MID1: variants seen among roughly 807,000 people sequenced by gnomAD.
The protein encoded by MID1 is E3 ubiquitin-protein ligase Midline-1.
A neutral mutation model predicts 40.4 loss-of-function variants in MID1; 7 were observed. That is an observed-to-expected ratio of 0.17 (90% CI 0.10 to 0.33). MID1 has a LOEUF of 0.33. Among genes scored for constraint, MID1 ranks in the 10% least tolerant of loss-of-function variants. The probability of loss-of-function intolerance (pLI) is 1.00; values close to 1 mark genes in which losing one functional copy is unlikely to be tolerated. For synonymous variants in MID1, 229 were observed against 221.2 expected (o/e 1.04, Z -0.31); for missense variants, 367 against 558.5 (o/e 0.66, Z 3.46).
At chrX:10,580,947 A>C (rs1009628487) in intron 1 of MID1, among the ~76,000 whole-genome samples, 3 of 106,210 alleles carry the variant, frequency 2.8e-5, no homozygotes, top group Admixed American at 2.0e-4. Flanking sequence ...AAAAAAAAAA[A>C]AAAAAAAAAA....
intron 1 of MID1, among the ~76,000 whole-genome samples, chrX:10,726,815 T>C (rs901180968): frequency 5.3e-5 from 6 of 112,574 alleles, no homozygotes; most frequent in African/African-American, 1.9e-4. Context: ...CAAACTGTGG[T>C]TAGTGTGGGC....
chrX:10,488,614 C>T lies in MID1; in HGVS notation c.865-5986G>A, dbSNP rs147713482. Among the ~76,000 whole-genome samples the T allele has an allele frequency of 6.1e-3, 686 of 111,615 alleles. 3 individuals are homozygous for T. Among genetic ancestry groups the T allele is most frequent in the Middle Eastern group, 0.023 (5 of 218 alleles). On this transcript the variant is annotated intron_variant, in intron 4 of 9. Transcript: ENST00000317552. ...CATCTGTGATGGTTAATACTGAGTG[C>T]CAACTTGATTGGATTGAAGGATGCA...
intron 2 of MID1, among the ~76,000 whole-genome samples, chrX:10,561,930 T>C (rs986079428): frequency 2.8e-5 from 3 of 107,339 alleles, no homozygotes; most frequent in Non-Finnish European, 5.7e-5. Context: ...CATATGTTTA[T>C]TGCAGTACTA....
intron 1 of MID1, among the ~76,000 whole-genome samples, chrX:10,579,104 T>C (rs1934944154): frequency 1.8e-5 from 2 of 112,009 alleles, no homozygotes; most frequent in Non-Finnish European, 3.8e-5. Context: ...TAGCATCCCT[T>C]CTGCATTACA....
At chrX:10,659,662 AG>A (rs2042898251) in intron 1 of MID1, among the ~76,000 whole-genome samples, 1 of 111,147 alleles carries the variant, frequency 9.0e-6, no homozygotes, top group Non-Finnish European at 1.9e-5. Context: ...ACTTGTAGAA[AG>A]CGCTATTGCT....
intron 1 of MID1, among the ~76,000 whole-genome samples, chrX:10,724,737 C>T (rs916820945): frequency 8.9e-6 from 1 of 112,095 alleles, no homozygotes; most frequent in Non-Finnish European, 1.9e-5. Context: ...TCTGGCCCAC[C>T]TTGTGGTTTT....
At chrX:10,558,317 T>C (rs367565847) in intron 2 of MID1, among the ~76,000 whole-genome samples, 4 of 107,157 alleles carry the variant, frequency 3.7e-5, no homozygotes, top group East Asian at 5.6e-4. Flanking sequence ...TCTTCTTTGA[T>C]GCATAATCCA....
intron 1 of MID1, among the ~76,000 whole-genome samples, chrX:10,777,956 G>A (rs992931220): frequency 1.8e-5 from 2 of 111,452 alleles, no homozygotes; most frequent in African/African-American, 6.5e-5. Flanking sequence ...AATAACATGC[G>A]TGGTGCTGTC....
At chrX:10,668,064 T>A (rs1305310746) in intron 1 of MID1, among the ~76,000 whole-genome samples, 2 of 111,859 alleles carry the variant, frequency 1.8e-5, no homozygotes, top group East Asian at 2.8e-4. Flanking sequence ...TGAATACGCA[T>A]CTTGGGACAG....
At chrX:10,571,785 G>C (rs1325094259) in intron 1 of MID1, among the ~76,000 whole-genome samples, 2 of 110,197 alleles carry the variant, frequency 1.8e-5, no homozygotes, top group African/African-American at 6.6e-5. Context: ...GCCAGGAGTG[G>C]TGGCACATGC....
chrX:10,766,101 C>T (rs780038618), intron 1 of MID1, among the ~76,000 whole-genome samples: 1 of 111,396 alleles, frequency 9.0e-6, no homozygotes, highest in Middle Eastern at 4.6e-3. Flanking sequence ...CAAGGGGAGA[C>T]AGGCAGGGTG....
At chrX:10,722,094 T>C (rs1039115153) in intron 1 of MID1, among the ~76,000 whole-genome samples, 6 of 108,417 alleles carry the variant, frequency 5.5e-5, no homozygotes, top group African/African-American at 2.1e-4. Flanking sequence ...AAGTATAATT[T>C]TAAAAGCAAG....
At chrX:10,709,932 T>C (rs2043255159) in intron 1 of MID1, among the ~76,000 whole-genome samples, 1 of 111,580 alleles carries the variant, frequency 9.0e-6, no homozygotes, top group Non-Finnish European at 1.9e-5. Flanking sequence ...GTGTGTAGGA[T>C]GTGGGGAGAG....
At chrX:10,529,265 G>A (rs1230853387) in intron 2 of MID1, among the ~76,000 whole-genome samples, 3 of 111,907 alleles carry the variant, frequency 2.7e-5, no homozygotes, top group African/African-American at 9.8e-5. Context: ...TTAAAAGCAT[G>A]CCCACACATT....
chrX:10,695,821 G>A (rs1293737215), intron 1 of MID1, among the ~76,000 whole-genome samples: 1 of 112,077 alleles, frequency 8.9e-6, no homozygotes, highest in Non-Finnish European at 1.9e-5. Context: ...CATTTGAAAT[G>A]CAGTGAGTCT....
intron 5 of MID1, chrX:10,475,079 C>T (rs776354894): frequency 1.5e-4 from 52 of 345,278 alleles, no homozygotes; most frequent in African/African-American, 1.3e-3. Flanking sequence ...CACGTCTAAC[C>T]CCAGCAAGAA....
In MID1 at chrX:10,567,472, C is replaced by A. The variant is rs1934601297; in HGVS notation, c.76G>T (p.Ala26Ser). ...GCGCAGTTGAAGCAGAGGCTGTGTG[C>A]GCAGGGCAGTAGAAGAGGGTCCTCA... ...LFEDPLLLPC[A>S]HSLCFNCAHR... Residue 26 changes from alanine to serine, a missense_variant, in exon 2 of 10, where the codon GCA (alanine) becomes TCA (serine). This residue lies in a region of MID1 where 78 missense variants were observed against 112.6 expected (regional missense o/e 0.69). Transcript: ENST00000317552. The A allele has an allele frequency of 8.3e-7, 1 of 1,209,454 alleles. No homozygotes were observed. The highest frequency in any genetic ancestry group is 2.2e-5 in the Admixed American group (1 of 45,784).
chrX:10,833,298 G>T (rs1039699099), intron 1 of MID1, among the ~76,000 whole-genome samples: 2 of 111,984 alleles, frequency 1.8e-5, no homozygotes, highest in African/African-American at 6.5e-5. Flanking sequence ...TGCTCATCAC[G>T]ACAGTATAGA....
intron 2 of MID1, among the ~76,000 whole-genome samples, chrX:10,549,148 T>A (rs1243848634): frequency 8.9e-6 from 1 of 112,661 alleles, no homozygotes; most frequent in African/African-American, 3.2e-5. Context: ...ATTTGGTAAA[T>A]ACCATCAAAA....
Sources: allele counts gnomAD v4.1 joint callset (sites outside exome capture counted in the v4.1 genomes callset), GRCh38; gene constraint gnomAD v4.1.1; regional missense constraint gnomAD v4.1.1; transcripts MANE v1.5; gene names NCBI Gene and HGNC (gene_info 2026-07-23, HGNC 2026-07-21).